The following TCERG1L variants were observed in gnomAD, a reference collection of about 807,000 sequenced individuals.
TCERG1L encodes the protein transcription elongation regulator 1-like protein.
A neutral mutation model predicts 56.3 loss-of-function variants in TCERG1L; 37 were observed. That is an observed-to-expected ratio of 0.66 (90% CI 0.51 to 0.87). The LOEUF (loss-of-function observed/expected upper bound fraction) is 0.87. Ranked by LOEUF, TCERG1L falls within the 40% of genes least tolerant of loss-of-function variation. The pLI is 0.00. For synonymous variants in TCERG1L, 324 were observed against 326.3 expected (o/e 0.99, Z 0.08); for missense variants, 799 against 774.2 (o/e 1.03, Z -0.38).
intron 3 of TCERG1L, among the ~76,000 whole-genome samples, chr10:131,278,625 G>A (rs954771206): frequency 1.2e-4 from 18 of 152,138 alleles, no homozygotes; most frequent in African/African-American, 4.1e-4. Flanking sequence ...TTACAGGCAT[G>A]AGCCACCGCA....
chr10:131,240,642 G>A (rs1320019419), intron 4 of TCERG1L, among the ~76,000 whole-genome samples: 12 of 152,278 alleles, frequency 7.9e-5, no homozygotes, highest in East Asian at 3.9e-4. Flanking sequence ...GCAGACAGAC[G>A]TGAGCCACGC....
At chr10:131,246,454 G>A (rs1846038416) in intron 4 of TCERG1L, among the ~76,000 whole-genome samples, 1 of 152,130 alleles carries the variant, frequency 6.6e-6, no homozygotes, top group Admixed American at 6.5e-5. Flanking sequence ...GAGGTGGGCA[G>A]GGCAGGCCCC....
At chr10:131,249,371 G>A (rs61861232) in intron 4 of TCERG1L, among the ~76,000 whole-genome samples, 11,612 of 152,138 alleles carry the variant, frequency 0.076, 544 homozygotes, top group East Asian at 0.16. Flanking sequence ...GGCTCCACCC[G>A]GGTCCCCAGT....
chr10:131,239,404 G>GC (rs1470279108), intron 4 of TCERG1L, among the ~76,000 whole-genome samples: 2 of 152,236 alleles, frequency 1.3e-5, no homozygotes, highest in Non-Finnish European at 2.9e-5. Context: ...AAAAATAAAG[G>GC]CATGTCAAAA....
At chr10:131,266,479 T>TG (rs1021070320) in intron 3 of TCERG1L, among the ~76,000 whole-genome samples, 1 of 152,198 alleles carries the variant, frequency 6.6e-6, no homozygotes, top group Non-Finnish European at 1.5e-5. Context: ...ACGAGATCTT[T>TG]GGGGTGTTGC....
Position 131,098,389 on chromosome 10 carries a change from T to G in TCERG1L, c.1521A>C (p.Glu507Asp), listed in dbSNP as rs371220928. 58 of 1,550,046 alleles carry G rather than the reference T, an allele frequency of 3.7e-5. No individual in the cohort carries two copies. The highest frequency in any genetic ancestry group is 4.6e-5 in the Non-Finnish European group (53 of 1,146,856). Residue 507 changes from glutamate (E) to aspartate (D), a missense_variant, in exon 11 of 12, where the codon GAA becomes GAC. Coordinates refer to ENST00000368642, the MANE Select transcript of TCERG1L (RefSeq NM_174937.4). ...FEQFVKTRIK[E>D]EYKEKKSKLL... is the part of the protein sequence containing the mutation. ...ATTTACTTTTCTTTTCCTTGTATTCTTCTTTTATTCTTGTCTTGACAAACT... is the reference window on the plus strand; with the variant it reads ...ATTTACTTTTCTTTTCCTTGTATTCGTCTTTTATTCTTGTCTTGACAAACT...
intron 9 of TCERG1L, among the ~76,000 whole-genome samples, chr10:131,116,577 A>G (rs1210523753): frequency 6.6e-6 from 1 of 152,116 alleles, no homozygotes; most frequent in Non-Finnish European, 1.5e-5. Context: ...ACTCAGCACA[A>G]TCAGGAACTT....
intron 3 of TCERG1L, among the ~76,000 whole-genome samples, chr10:131,282,137 GAAAAAAAAA>G (rs543405432): frequency 2.6e-4 from 24 of 92,532 alleles, no homozygotes; most frequent in South Asian, 3.8e-4. Context: ...CTCCATCTCA[GAAAAAAAAA>G]AAAAAAAAAA....
chr10:131,284,707 G>T (rs1275976710), intron 3 of TCERG1L, among the ~76,000 whole-genome samples: 2 of 151,912 alleles, frequency 1.3e-5, no homozygotes, highest in South Asian at 2.1e-4. Context: ...TATTAAAAAA[G>T]ATAACTATTA....
intron 6 of TCERG1L, among the ~76,000 whole-genome samples, chr10:131,148,730 G>A (rs1040493439): frequency 4.6e-5 from 7 of 152,220 alleles, no homozygotes; most frequent in African/African-American, 1.7e-4. Context: ...AGATGGAAAA[G>A]GCAGGAAATG....
At chr10:131,133,562 T>A (rs1187295676) in intron 8 of TCERG1L, among the ~76,000 whole-genome samples, 2 of 152,020 alleles carry the variant, frequency 1.3e-5, no homozygotes, top group Non-Finnish European at 2.9e-5. Flanking sequence ...CCCTTATTGA[T>A]TTGCCTTTCA....
intron 4 of TCERG1L, among the ~76,000 whole-genome samples, chr10:131,217,877 A>C (rs1237274561): frequency 6.6e-6 from 1 of 151,136 alleles, no homozygotes; most frequent in Non-Finnish European, 1.5e-5. Flanking sequence ...GCCCGCCACC[A>C]CGCCCGGCTA....
intron 4 of TCERG1L, among the ~76,000 whole-genome samples, chr10:131,251,171 C>A (rs1474736914): frequency 3.3e-5 from 5 of 152,304 alleles, no homozygotes; most frequent in African/African-American, 1.2e-4. Flanking sequence ...TCAGATTCCA[C>A]ACTGCCACCT....
chr10:131,295,287 C>A (rs80077310), intron 3 of TCERG1L, among the ~76,000 whole-genome samples: 3 of 152,252 alleles, frequency 2.0e-5, no homozygotes, highest in East Asian at 3.9e-4. Flanking sequence ...CTATGGGCAT[C>A]TTTTTATGTT....
intron 4 of TCERG1L, among the ~76,000 whole-genome samples, chr10:131,234,195 G>A (rs1224625874): frequency 6.6e-6 from 1 of 152,204 alleles, no homozygotes; most frequent in East Asian, 1.9e-4. Context: ...CTTGGAAGAA[G>A]ATCATCAGGT....
intron 9 of TCERG1L, among the ~76,000 whole-genome samples, chr10:131,110,972 C>CA (rs1845406373): frequency 7.0e-6 from 1 of 141,864 alleles, no homozygotes; most frequent in South Asian, 2.6e-4. Flanking sequence ...TCTCTAAAAC[C>CA]AAAAAAAGGC....
At chr10:131,265,544 C>T (rs907675392) in intron 3 of TCERG1L, among the ~76,000 whole-genome samples, 2 of 152,114 alleles carry the variant, frequency 1.3e-5, no homozygotes, top group South Asian at 4.1e-4. Context: ...GAATTGAGTA[C>T]CAGCAAACCT....
At chr10:131,229,875 G>A (rs1845830479) in intron 4 of TCERG1L, among the ~76,000 whole-genome samples, 1 of 152,158 alleles carries the variant, frequency 6.6e-6, no homozygotes, top group African/African-American at 2.4e-5. Flanking sequence ...AAGGCACAGG[G>A]TGAGTAACCT....
chr10:131,235,714 A>G (rs1845905763), intron 4 of TCERG1L, among the ~76,000 whole-genome samples: 1 of 152,196 alleles, frequency 6.6e-6, no homozygotes, highest in East Asian at 1.9e-4. Flanking sequence ...CATGCAAACC[A>G]ACCAAATAGA....
Sources: allele counts gnomAD v4.1 joint callset (sites outside exome capture counted in the v4.1 genomes callset), GRCh38; gene constraint gnomAD v4.1.1; transcripts MANE v1.5; gene names NCBI Gene and HGNC (gene_info 2026-07-23, HGNC 2026-07-21).